The following RBPJ variants were observed in gnomAD, a reference collection of about 807,000 sequenced individuals.
RBPJ encodes recombination signal binding protein for immunoglobulin kappa J region.
A neutral mutation model predicts 67.8 loss-of-function variants in RBPJ; 9 were observed. The ratio of observed to expected loss-of-function variants is 0.13; its 90% confidence interval spans 0.08 to 0.23. The LOEUF is 0.23. Ranked by LOEUF, RBPJ falls within the 10% of genes least tolerant of loss-of-function variation. RBPJ has a pLI of 1.00. For missense variants in RBPJ, 305 were observed against 595.6 expected, an observed-to-expected ratio of 0.51 and a Z score of 5.08; for synonymous variants, 198 against 203.3, an observed-to-expected ratio of 0.97 and a Z score of 0.22.
intron 2 of RBPJ, among the ~76,000 whole-genome samples, chr4:26,394,607 T>C (rs866288482): frequency 1.3e-5 from 2 of 152,230 alleles, no homozygotes; most frequent in Non-Finnish European, 2.9e-5. Flanking sequence ...AATGCAGTTA[T>C]GCATTGGTCT....
intron 1 of RBPJ, among the ~76,000 whole-genome samples, chr4:26,214,979 G>GGAAGGACGGAAA: frequency 2.2e-5 from 1 of 45,728 alleles, no homozygotes; most frequent in Non-Finnish European, 3.6e-5. Context: ...AGGGAGGGAA[G>GGAAGGACGGAAA]GAAGGAGGGA....
intron 1 of RBPJ, among the ~76,000 whole-genome samples, chr4:26,325,613 T>C (rs541233655): frequency 7.9e-5 from 12 of 152,356 alleles, no homozygotes; most frequent in African/African-American, 2.9e-4. Context: ...TGAAAGCATT[T>C]AGCAGAATTC....
upstream of RBPJ, chr4:26,320,532 C>T (rs976192909): frequency 1.8e-5 from 9 of 510,376 alleles, no homozygotes; most frequent in East Asian, 1.6e-4. Flanking sequence ...TAGCTGGGAA[C>T]CCAGAGTGAG....
At chr4:26,268,032 T>G (rs150035784) in intron 1 of RBPJ, among the ~76,000 whole-genome samples, 2 of 152,182 alleles carry the variant, frequency 1.3e-5, no homozygotes, top group Admixed American at 6.5e-5. Flanking sequence ...TTTTTTAAGG[T>G]ATAAGCTTTT....
chr4:26,366,456 C>T (rs989082319), intron 1 of RBPJ, among the ~76,000 whole-genome samples: 2 of 152,046 alleles, frequency 1.3e-5, no homozygotes, highest in East Asian at 1.9e-4. Flanking sequence ...CCAAGTCTTG[C>T]TCTGTCACCC....
upstream of RBPJ, among the ~76,000 whole-genome samples, chr4:26,162,135 G>A (rs1436919774): frequency 3.3e-5 from 5 of 152,220 alleles, no homozygotes; most frequent in Admixed American, 3.3e-4. Flanking sequence ...TGCATGCCCT[G>A]ATTCACTCCC....
rs78570594 is a variant in RBPJ at position 26,333,120 on chromosome 4, T to C, written c.20+12072T>C. 4.4e-3 allele frequency among the ~76,000 whole-genome samples: 672 copies of C among 152,324 alleles called. 5 individuals carry two copies. Among genetic ancestry groups the C allele is most frequent in the Non-Finnish European group, 5.4e-3 (368 of 68,028 alleles). The stretch of plus-strand genomic sequence containing the variant: ...CTCCAAACTTGGATGGAAAATACAG[T>C]ATTCATGGGATGCAAGAATAGTGTA... On this transcript the variant is annotated intron_variant, in intron 1 of 10. Coordinates refer to ENST00000355476, the MANE Select transcript of RBPJ (RefSeq NM_015874.6).
intron 1 of RBPJ, among the ~76,000 whole-genome samples, chr4:26,376,938 C>T (rs979189169): frequency 6.6e-6 from 1 of 152,098 alleles, no homozygotes; most frequent in Non-Finnish European, 1.5e-5. Flanking sequence ...GTGTATCTTC[C>T]TTAGAGAAAT....
chr4:26,342,355 A>G (rs931514091), intron 1 of RBPJ, among the ~76,000 whole-genome samples: 2 of 151,660 alleles, frequency 1.3e-5, no homozygotes, highest in Admixed American at 1.3e-4. Context: ...TGAGGGAGGT[A>G]GTATTATCTT....
At chr4:26,301,932 A>T (rs1722091578) in intron 1 of RBPJ, among the ~76,000 whole-genome samples, 1 of 152,010 alleles carries the variant, frequency 6.6e-6, no homozygotes, top group South Asian at 2.1e-4. Context: ...AGCTGGGATT[A>T]TAGGTGTGCG....
At chr4:26,199,131 A>G (rs913779108) in intron 1 of RBPJ, among the ~76,000 whole-genome samples, 1 of 152,196 alleles carries the variant, frequency 6.6e-6, no homozygotes, top group Non-Finnish European at 1.5e-5. Context: ...GTGGGAAGTC[A>G]TCTGAGAGAA....
At chr4:26,276,857 G>A (rs140385437) in intron 1 of RBPJ, among the ~76,000 whole-genome samples, 154 of 152,214 alleles carry the variant, frequency 1.0e-3, no homozygotes, top group Middle Eastern at 6.8e-3. Flanking sequence ...TAGCAAGGGC[G>A]GAGTCAAAAA....
chr4:26,428,140 A>G (rs1178249365), intron 7 of RBPJ, among the ~76,000 whole-genome samples: 1 of 152,116 alleles, frequency 6.6e-6, no homozygotes, highest in East Asian at 1.9e-4. Context: ...AATGAGTTTG[A>G]TTTTGTTATG....
At chr4:26,339,009 CG>C (rs1228841276) in intron 1 of RBPJ, among the ~76,000 whole-genome samples, 1 of 149,956 alleles carries the variant, frequency 6.7e-6, no homozygotes, top group Non-Finnish European at 1.5e-5. Flanking sequence ...TTTTTAGAGA[CG>C]GGGTTTTGCC....
intron 1 of RBPJ, among the ~76,000 whole-genome samples, chr4:26,371,341 G>A (rs1393841569): frequency 6.6e-6 from 1 of 152,182 alleles, no homozygotes; most frequent in Non-Finnish European, 1.5e-5. Flanking sequence ...ACTGCATACA[G>A]ATTTGTATTT....
At chr4:26,244,407 G>GTACGCATATGTGTGTATATA (rs1719841793) in intron 1 of RBPJ, among the ~76,000 whole-genome samples, 1 of 131,772 alleles carries the variant, frequency 7.6e-6, no homozygotes, top group African/African-American at 3.1e-5. Flanking sequence ...GCACATATGT[G>GTACGCATATGTGTGTATATA]TGTATACATA....
chr4:26,127,284 G>T, the RBPJ span, among the ~76,000 whole-genome samples: 1 of 152,184 alleles, frequency 6.6e-6, no homozygotes, highest in African/African-American at 2.4e-5. Context: ...TTCAGCTTCC[G>T]TTGCTGCTGC....
intron 1 of RBPJ, among the ~76,000 whole-genome samples, chr4:26,232,592 G>A (rs1358420025): frequency 1.3e-5 from 2 of 152,224 alleles, no homozygotes; most frequent in African/African-American, 2.4e-5. Context: ...TCTTAGTGGA[G>A]CAATCTGTAA....
At chr4:26,300,413 T>C (rs1339205550) in intron 1 of RBPJ, among the ~76,000 whole-genome samples, 1 of 152,222 alleles carries the variant, frequency 6.6e-6, no homozygotes, top group Non-Finnish European at 1.5e-5. Flanking sequence ...TGAAAGACCT[T>C]CGTATCTACA....
Sources: allele counts gnomAD v4.1 joint callset (sites outside exome capture counted in the v4.1 genomes callset), GRCh38; gene constraint gnomAD v4.1.1; transcripts MANE v1.5; gene names NCBI Gene and HGNC (gene_info 2026-07-23, HGNC 2026-07-21).